The following HCN1 variants were observed in gnomAD, a reference collection of about 807,000 sequenced individuals.
HCN1 encodes the protein hyperpolarization activated cyclic nucleotide gated potassium channel 1.
Under a neutral mutation model 78.9 loss-of-function variants are expected in HCN1, and 13 were observed. The observed-to-expected ratio is 0.16, with a 90% confidence interval of 0.11 to 0.26. The LOEUF (loss-of-function observed/expected upper bound fraction) is 0.26, where lower values mean the gene tolerates loss of function less well. Among genes scored for constraint, HCN1 ranks in the 10% least tolerant of loss-of-function variants. The probability of loss-of-function intolerance (pLI) is 1.00; values close to 1 mark genes in which losing one functional copy is unlikely to be tolerated. For synonymous variants in HCN1, 552 were observed against 455.5 expected (o/e 1.21, Z -2.70); for missense variants, 810 against 1,154.3 (o/e 0.70, Z 4.32).
At chr5:45,638,452 C>T (rs1051293648) in intron 2 of HCN1, among the ~76,000 whole-genome samples, 1 of 152,202 alleles carries the variant, frequency 6.6e-6, no homozygotes, top group African/African-American at 2.4e-5. Context: ...CATTTCAAAT[C>T]AGATCTTATA....
chr5:45,384,265 T>A (rs1249557258), intron 4 of HCN1, among the ~76,000 whole-genome samples: 2 of 152,148 alleles, frequency 1.3e-5, no homozygotes, highest in Admixed American at 6.6e-5. Context: ...GATAGATGAA[T>A]GTAATAAGAT....
intron 1 of HCN1, among the ~76,000 whole-genome samples, chr5:45,683,581 T>C (rs973165272): frequency 2.0e-5 from 3 of 152,090 alleles, no homozygotes; most frequent in Non-Finnish European, 4.4e-5. Flanking sequence ...ACTAAACCAG[T>C]TGTTTATAGA....
intron 5 of HCN1, among the ~76,000 whole-genome samples, chr5:45,334,286 T>C (rs1047439214): frequency 2.0e-5 from 3 of 151,832 alleles, no homozygotes; most frequent in African/African-American, 7.2e-5. Flanking sequence ...ACAGGCATGT[T>C]TTCTGTCTGT....
rs570906813 is a variant in HCN1, at chr5:45,381,995, G to T, written c.1230+14497C>A. Among the ~76,000 whole-genome samples the T allele has an allele frequency of 2.6e-5, 4 of 152,188 alleles. No homozygotes were observed. In the South Asian group the frequency reaches 8.3e-4, roughly 32 times the overall value. ...TCCTACTGTCCAGCCATTGTCCTCCGCACTGACTCTGTTCCTACATCACTG... is the reference window on the plus strand; with the variant it reads ...TCCTACTGTCCAGCCATTGTCCTCCTCACTGACTCTGTTCCTACATCACTG... On this transcript the variant is annotated intron_variant, in intron 4 of 7. Transcript: ENST00000303230.
At chr5:45,467,345 T>C (rs1741293763) in intron 2 of HCN1, among the ~76,000 whole-genome samples, 1 of 152,132 alleles carries the variant, frequency 6.6e-6, no homozygotes. Flanking sequence ...TTTGTCCAGC[T>C]ATATAAAAAA....
At chr5:45,677,394 G>A (rs1739585028) in intron 1 of HCN1, among the ~76,000 whole-genome samples, 1 of 151,820 alleles carries the variant, frequency 6.6e-6, no homozygotes, top group African/African-American at 2.4e-5. Context: ...AAAACTAAAT[G>A]CAAAAGGGCT....
chr5:45,669,082 A>G (rs1166124634), intron 1 of HCN1, among the ~76,000 whole-genome samples: 1 of 151,880 alleles, frequency 6.6e-6, no homozygotes, highest in Non-Finnish European at 1.5e-5. Flanking sequence ...CCTTATAGAA[A>G]GTGAACCCAG....
intron 2 of HCN1, among the ~76,000 whole-genome samples, chr5:45,522,849 T>A (rs983506439): frequency 6.6e-6 from 1 of 151,902 alleles, no homozygotes; most frequent in African/African-American, 2.4e-5. Context: ...TCTTTTTTTT[T>A]CCTTTTTTAA....
At chr5:45,531,078 A>G (rs1039239912) in intron 2 of HCN1, among the ~76,000 whole-genome samples, 2 of 152,080 alleles carry the variant, frequency 1.3e-5, no homozygotes, top group East Asian at 1.9e-4. Flanking sequence ...ACACACACAC[A>G]CACACAATCA....
At chr5:45,404,498 A>AT (rs34176530) in intron 3 of HCN1, among the ~76,000 whole-genome samples, 2,052 of 146,334 alleles carry the variant, frequency 0.014, 20 homozygotes, top group Non-Finnish European at 0.022. Flanking sequence ...ACTGAAAATA[A>AT]TTTTTTTTTT....
chr5:45,412,592 G>A (rs1404524882), intron 3 of HCN1, among the ~76,000 whole-genome samples: 1 of 152,030 alleles, frequency 6.6e-6, no homozygotes, highest in Admixed American at 6.6e-5. Flanking sequence ...CCTCTATTAA[G>A]CTTCTCTCTA....
At chr5:45,333,542 G>A (rs1346432375) in intron 5 of HCN1, among the ~76,000 whole-genome samples, 1 of 151,528 alleles carries the variant, frequency 6.6e-6, no homozygotes, top group African/African-American at 2.4e-5. Flanking sequence ...GTAGGGTATT[G>A]CTCAAGAAAT....
At chr5:45,610,301 T>C (rs958429379) in intron 2 of HCN1, among the ~76,000 whole-genome samples, 1 of 152,050 alleles carries the variant, frequency 6.6e-6, no homozygotes. Context: ...TAGAACTATC[T>C]GTGAAAATAT....
intron 3 of HCN1, among the ~76,000 whole-genome samples, chr5:45,439,565 C>A (rs1030038479): frequency 6.6e-6 from 1 of 151,956 alleles, no homozygotes; most frequent in African/African-American, 2.4e-5. Flanking sequence ...AAATTCAAAT[C>A]TCCCTTTTTA....
At chr5:45,369,849 A>G (rs1747317019) in intron 4 of HCN1, among the ~76,000 whole-genome samples, 2 of 152,122 alleles carry the variant, frequency 1.3e-5, no homozygotes, top group Non-Finnish European at 2.9e-5. Context: ...CGCAAGCTAA[A>G]ATAAGATACC....
At chr5:45,350,289 A>G (rs1451950083) in intron 5 of HCN1, among the ~76,000 whole-genome samples, 2 of 152,226 alleles carry the variant, frequency 1.3e-5, no homozygotes, top group African/African-American at 4.8e-5. Context: ...GATTATCTCA[A>G]TAGATGCAGA....
chr5:45,402,723 A>G (rs1739839829), intron 3 of HCN1, among the ~76,000 whole-genome samples: 1 of 152,164 alleles, frequency 6.6e-6, no homozygotes, highest in African/African-American at 2.4e-5. Flanking sequence ...ATTCAGAAGG[A>G]TTAATGAAAT....
intron 1 of HCN1, among the ~76,000 whole-genome samples, chr5:45,673,699 A>G (rs1443897151): frequency 6.6e-6 from 1 of 151,630 alleles, no homozygotes; most frequent in Non-Finnish European, 1.5e-5. Flanking sequence ...TGATAAAGAA[A>G]TGTATTTGTC....
intron 2 of HCN1, among the ~76,000 whole-genome samples, chr5:45,470,426 A>G (rs1253106659): frequency 6.6e-6 from 1 of 151,956 alleles, no homozygotes; most frequent in Admixed American, 6.6e-5. Flanking sequence ...TAAACCTTAA[A>G]AAATAAGGAA....
Sources: allele counts gnomAD v4.1 joint callset (sites outside exome capture counted in the v4.1 genomes callset), GRCh38; gene constraint gnomAD v4.1.1; transcripts MANE v1.5; gene names NCBI Gene and HGNC (gene_info 2026-07-23, HGNC 2026-07-21).